The following UNKL variants were observed in gnomAD, a reference collection of about 807,000 sequenced individuals.
UNKL encodes the protein unk like zinc finger, also known as putative E3 ubiquitin-protein ligase UNKL.
Under a neutral mutation model 78.0 loss-of-function variants are expected in UNKL, and 60 were observed. That is an observed-to-expected ratio of 0.77 (90% CI 0.63 to 0.95). The LOEUF is 0.95. Ranked by LOEUF, UNKL falls within the 40% of genes least tolerant of loss-of-function variation. The pLI is 0.00. For synonymous variants in UNKL, 608 were observed against 474.8 expected (o/e 1.28, Z -3.65); for missense variants, 1,159 against 1,045.7 (o/e 1.11, Z -1.49).
Position 1,366,063 on chromosome 16 carries a change from A to C in UNKL, c.*177T>G. The C allele has an allele frequency of 1.5e-6, 1 of 661,722 alleles. No homozygotes were observed. Among genetic ancestry groups the C allele is most frequent in the African/African-American group, 1.8e-5 (1 of 54,602 alleles). The allele number at this position is 661,722 out of a possible 1,614,324, so 41.0% of individuals were successfully genotyped here. On this transcript the variant is annotated 3_prime_UTR_variant, in exon 15 of 15. Coordinates refer to ENST00000389221, the MANE Select transcript of UNKL (RefSeq NM_001372107.1). ...TAGATAGGTGACAACGTGTGACAGG[A>C]AAGGCTGTCAGGCCAAGCGCAGGCG...
intron 2 of UNKL, chr16:1,406,182 G>A (rs2037754267): frequency 7.8e-6 from 3 of 384,242 alleles, no homozygotes; most frequent in South Asian, 3.6e-5. Flanking sequence ...GGTGATGGGA[G>A]GAACAGGCGT....
chr16:1,381,523 G>A (rs1295544067), intron 10 of UNKL, among the ~76,000 whole-genome samples: 1 of 152,206 alleles, frequency 6.6e-6, no homozygotes, highest in Non-Finnish European at 1.5e-5. Flanking sequence ...CGGAGGCTGA[G>A]GAGGGAGAAT....
chr16:1,402,571 G>A (rs1286484656), intron 3 of UNKL, among the ~76,000 whole-genome samples: 1 of 152,136 alleles, frequency 6.6e-6, no homozygotes, highest in Non-Finnish European at 1.5e-5. Context: ...GCTGAGGCAC[G>A]AGAATGGCGT....
chr16:1,396,971 C>T (rs1050948052), intron 6 of UNKL: 11 of 574,730 alleles, frequency 1.9e-5, no homozygotes, highest in East Asian at 6.0e-5. Context: ...TGGAGAGACT[C>T]GCTGGCTGAG....
In UNKL at chr16:1,390,503, G is replaced by GA. The variant is rs1373777772; in HGVS notation, c.1086+128dup. ...CGTCAACCAGATGGCTTTGCGAGCC[G>GA]AGAGTGGGCGGGACCAAGGATGCAT... On this transcript the variant is annotated intron_variant, in intron 9 of 14. Transcript: ENST00000389221. 5 of 953,132 alleles carry GA rather than the reference G, an allele frequency of 5.2e-6. No individual in the cohort carries two copies. The African/African-American group carries it at 6.7e-5, about 13-fold the overall frequency. 59.0% of individuals were successfully genotyped at this position (953,132 alleles called of 1,614,324 possible).
At chr16:1,395,206 C>T (rs1366009794) in intron 6 of UNKL, among the ~76,000 whole-genome samples, 2 of 142,346 alleles carry the variant, frequency 1.4e-5, no homozygotes, top group Non-Finnish European at 3.0e-5. Flanking sequence ...CTGGCTCTGT[C>T]GCCCAGGCTG....
At chr16:1,371,827 C>T (rs937426091) in intron 10 of UNKL, among the ~76,000 whole-genome samples, 1 of 152,344 alleles carries the variant, frequency 6.6e-6, no homozygotes, top group Non-Finnish European at 1.5e-5. Context: ...GCAAAACGAG[C>T]GTGCTCAGGT....
intron 2 of UNKL, among the ~76,000 whole-genome samples, chr16:1,406,347 G>A (rs1249105945): frequency 6.6e-6 from 1 of 152,028 alleles, no homozygotes; most frequent in African/African-American, 2.4e-5. Context: ...CGAGTAACTG[G>A]GATTACAGGC....
chr16:1,397,077 G>C, intron 6 of UNKL, 101 bp downstream of exon 6: 1 of 1,329,202 alleles, frequency 7.5e-7, no homozygotes, highest in Non-Finnish European at 1.0e-6. Flanking sequence ...CTCGGCCAAA[G>C]TTAATCACTG....
chr16:1,414,284 C>T (rs1342957810), intron 1 of UNKL, among the ~76,000 whole-genome samples: 1 of 152,130 alleles, frequency 6.6e-6, no homozygotes, highest in Non-Finnish European at 1.5e-5. Context: ...CAAGCGCCAC[C>T]CCGGACCCTG....
intron 2 of UNKL, chr16:1,405,869 A>G: frequency 2.2e-6 from 1 of 445,840 alleles, no homozygotes; most frequent in South Asian, 1.6e-5. Context: ...CAGATCCTGG[A>G]GTGCAAGAAG....
chr16:1,403,302 C>A lies in UNKL; in HGVS notation c.330G>T (p.Lys110Asn), dbSNP rs1422030143. Residue 110 changes from lysine to asparagine, a missense_variant, in exon 3 of 15, where the codon AAG becomes AAT. Lys to Asn is a moderately conservative substitution (Grantham distance 94). Coordinates refer to ENST00000389221, the MANE Select transcript of UNKL (RefSeq NM_001372107.1). This position sits in a 1 kb window ranked among gnomAD's most constrained non-coding sequence, Gnocchi z 4.8. ...LHRTTGDTER[K>N]YHLRYYKTGT... ...CTGTTTTGTAGTAACGCAGGTGGTA[C>A]TTGCGTTCTGTGTCCCCCGTCGTCC... is the stretch of plus-strand genomic sequence containing the variant. The A allele has an allele frequency of 6.2e-7, 1 of 1,614,104 alleles. No homozygotes were observed. Among genetic ancestry groups the A allele is most frequent in the East Asian group, 2.2e-5 (1 of 44,896 alleles).
At chr16:1,394,330 C>T (rs1405895725) in intron 6 of UNKL, 115 bp from the exon 7 acceptor site, 1 of 1,289,314 alleles carries the variant, frequency 7.8e-7, no homozygotes, top group Non-Finnish European at 1.1e-6. Flanking sequence ...CAAGACACCC[C>T]TGAAAAGGGG....
intron 2 of UNKL, chr16:1,406,150 G>C: frequency 2.3e-6 from 1 of 427,994 alleles, no homozygotes; most frequent in South Asian, 1.6e-5. Flanking sequence ...GGGGCCCAGA[G>C]CACAGCACTG....
chr16:1,403,201 G>C lies in UNKL; in HGVS notation c.431C>G (p.Pro144Arg), dbSNP rs1403332359. The part of the protein sequence containing the change: ...NGLHCAFAHG[P>R]LDLRPPVCDV... Reference sequence around the variant, plus strand: ...ACACACGGGCGGCCGCAGGTCCAGGGGGCCGTGCGCGAAGGCACAGTGCAG... The same window carrying C: ...ACACACGGGCGGCCGCAGGTCCAGGCGGCCGTGCGCGAAGGCACAGTGCAG... Residue 144 changes from proline (P) to arginine (R), a missense_variant, in exon 3 of 15, where the codon CCC becomes CGC. By Grantham distance (103) the Pro-to-Arg change is moderately radical. Transcript: ENST00000389221. This position sits in a 1 kb window ranked among gnomAD's most constrained non-coding sequence, Gnocchi z 4.8. The C allele has an allele frequency of 6.2e-7, 1 of 1,613,698 alleles. No individual in the cohort carries two copies. Among genetic ancestry groups the C allele is most frequent in the East Asian group, 2.2e-5 (1 of 44,866 alleles).
At chr16:1,370,463 G>A in intron 11 of UNKL, 106 bp from the exon 12 acceptor site, 1 of 1,459,928 alleles carries the variant, frequency 6.8e-7, no homozygotes, top group Non-Finnish European at 9.1e-7. Flanking sequence ...TGGTGGTGGT[G>A]GGGATATGGG....
At chr16:1,377,466 CCT>C (rs2036321133) in intron 10 of UNKL, among the ~76,000 whole-genome samples, 3 of 152,238 alleles carry the variant, frequency 2.0e-5, no homozygotes, top group East Asian at 1.9e-4. Context: ...GCCCTCCCTC[CCT>C]GAGTCCTCCC....
intron 9 of UNKL, among the ~76,000 whole-genome samples, chr16:1,386,692 T>G (rs571450296): frequency 6.6e-6 from 1 of 152,138 alleles, no homozygotes. Flanking sequence ...CTGTCCATAA[T>G]GAAGAAATTT....
chr16:1,368,608 CAAAAAAAAAAAAA>C (rs757374554), intron 12 of UNKL, among the ~76,000 whole-genome samples: 6 of 42,144 alleles, frequency 1.4e-4, no homozygotes, highest in African/African-American at 3.7e-4. Flanking sequence ...GACTCCGTCT[CAAAAAAAAAAAAA>C]AAAAAAAAAA....
Sources: allele counts gnomAD v4.1 joint callset (sites outside exome capture counted in the v4.1 genomes callset), GRCh38; gene constraint gnomAD v4.1.1; non-coding constraint Gnocchi (gnomAD v3.1); transcripts MANE v1.5; gene names NCBI Gene and HGNC (gene_info 2026-07-23, HGNC 2026-07-21).